VSIG1: variants seen among roughly 807,000 people sequenced by gnomAD.
The protein encoded by VSIG1 is V-set and immunoglobulin domain containing 1, also known as V-set and immunoglobulin domain-containing protein 1.
A neutral mutation model predicts 20.1 loss-of-function variants in VSIG1; 11 were observed. That is an observed-to-expected ratio of 0.55 (90% confidence interval 0.34 to 0.91). The LOEUF is 0.91. Ranked by LOEUF, VSIG1 falls within the 40% of genes least tolerant of loss-of-function variation. The pLI is 0.02. For synonymous variants in VSIG1, 126 were observed against 116.7 expected, an observed-to-expected ratio of 1.08 and a Z score of -0.52; for missense variants, 283 against 298.8, an observed-to-expected ratio of 0.95 and a Z score of 0.39.
intron 1 of VSIG1, among the ~76,000 whole-genome samples, chrX:108,046,725 G>T (rs950379747): frequency 9.0e-6 from 1 of 111,470 alleles, no homozygotes; most frequent in Non-Finnish European, 1.9e-5. Flanking sequence ...ATTTGCAGGT[G>T]TATATATTAC....
chrX:108,069,388 A>G (rs2281156), intron 3 of VSIG1, among the ~76,000 whole-genome samples: 5,804 of 111,636 alleles, frequency 0.052, 132 homozygotes, highest in East Asian at 0.096. Flanking sequence ...GCAAAGAACA[A>G]AGGCCTCCTC....
chrX:108,050,602 G>C (rs977154396), intron 1 of VSIG1, among the ~76,000 whole-genome samples: 1 of 112,480 alleles, frequency 8.9e-6, no homozygotes, highest in Non-Finnish European at 1.9e-5. Context: ...ATATAGAACT[G>C]AGAATTTTAG....
At chrX:108,038,649 C>T in the VSIG1 span, among the ~76,000 whole-genome samples, 1 of 112,163 alleles carries the variant, frequency 8.9e-6, no homozygotes, top group Non-Finnish European at 1.9e-5. Context: ...GAAAATGTGG[C>T]ACATATACAT....
At chrX:108,073,919 A>G (rs2031302227) in intron 5 of VSIG1, 2 of 111,915 alleles carry the variant, frequency 1.8e-5, no homozygotes, top group African/African-American at 6.5e-5. Context: ...ACTGAAGCTC[A>G]GGGAAGTAAA....
At chrX:108,073,538 C>T (rs2031294516) in intron 5 of VSIG1, 169 bp downstream of exon 5, 2 of 560,368 alleles carry the variant, frequency 3.6e-6, no homozygotes, top group South Asian at 3.9e-5. Context: ...ATCTAATGCT[C>T]ACATAATAAT....
At chrX:108,064,187 C>T (rs2031084148) in intron 2 of VSIG1, among the ~76,000 whole-genome samples, 1 of 111,554 alleles carries the variant, frequency 9.0e-6, no homozygotes, top group African/African-American at 3.3e-5. Flanking sequence ...AACAGAAAGC[C>T]CCTCCATGTA....
the VSIG1 span, among the ~76,000 whole-genome samples, chrX:108,024,823 A>G: frequency 9.0e-6 from 1 of 111,673 alleles, no homozygotes; most frequent in East Asian, 2.8e-4. Context: ...ACTTAATGTG[A>G]TTTTAATCTT....
chrX:108,047,002 A>G (rs192803496), intron 1 of VSIG1, among the ~76,000 whole-genome samples: 5 of 110,937 alleles, frequency 4.5e-5, no homozygotes, highest in African/African-American at 1.6e-4. Context: ...GTGCTTACAT[A>G]TGTATTGAAG....
At chrX:108,069,150 G>A (rs1229226705) in intron 3 of VSIG1, among the ~76,000 whole-genome samples, 2 of 111,145 alleles carry the variant, frequency 1.8e-5, no homozygotes, top group South Asian at 3.8e-4. Flanking sequence ...AGACAAGAAG[G>A]TTAATATTCT....
chrX:108,077,026 T>C, intron 6 of VSIG1, 22 bp from the exon 7 acceptor site: 2 of 1,188,073 alleles, frequency 1.7e-6, no homozygotes, highest in Non-Finnish European at 2.3e-6. Context: ...ACTTGTTCTT[T>C]TCTGGGCCTT....
intron 2 of VSIG1, among the ~76,000 whole-genome samples, chrX:108,062,013 A>G (rs1219780655): frequency 3.6e-5 from 4 of 109,958 alleles, no homozygotes; most frequent in Admixed American, 2.9e-4. Flanking sequence ...ACAGCTTTAG[A>G]TAGTCAATCC....
intron 1 of VSIG1, among the ~76,000 whole-genome samples, chrX:108,046,540 G>A (rs1324562650): frequency 9.1e-6 from 1 of 109,675 alleles, no homozygotes; most frequent in African/African-American, 3.4e-5. Context: ...GGTTTGGAAC[G>A]GTTGTTAAGA....
chrX:108,056,865 G>A (rs1385873614), intron 1 of VSIG1, among the ~76,000 whole-genome samples: 2 of 111,961 alleles, frequency 1.8e-5, no homozygotes, highest in Admixed American at 9.5e-5. Context: ...TGCAACTGGC[G>A]TATGATCCAG....
the VSIG1 span, among the ~76,000 whole-genome samples, chrX:108,020,822 C>A: frequency 9.0e-6 from 1 of 111,423 alleles, no homozygotes; most frequent in Non-Finnish European, 1.9e-5. Flanking sequence ...AATAGGATAT[C>A]CTGTTAGTAT....
the VSIG1 span, among the ~76,000 whole-genome samples, chrX:108,036,917 C>G: frequency 8.9e-6 from 1 of 111,896 alleles, no homozygotes; most frequent in East Asian, 2.8e-4. Flanking sequence ...AACAACATCA[C>G]AGAGCTCACT....
chrX:108,031,176 G>C, the VSIG1 span, among the ~76,000 whole-genome samples: 1 of 111,938 alleles, frequency 8.9e-6, no homozygotes. Context: ...TTGGGGTGGG[G>C]AGCATGAAAT....
intron 1 of VSIG1, among the ~76,000 whole-genome samples, chrX:108,047,937 CATATATATATATATAT>C (rs1163371858): frequency 8.9e-5 from 3 of 33,593 alleles, no homozygotes; most frequent in Non-Finnish European, 1.4e-4. Context: ...TATATATACA[CATATATATATATATAT>C]ACACACACAT....
chrX:108,067,898 G>A (rs759291893), intron 3 of VSIG1, among the ~76,000 whole-genome samples: 1 of 112,028 alleles, frequency 8.9e-6, no homozygotes, highest in Admixed American at 9.5e-5. Flanking sequence ...AGGGATGAAA[G>A]GGCTGCCAAT....
Position 108,047,762 on chromosome X carries a change from C to T in VSIG1, c.49+2583C>T, listed in dbSNP as rs1297899807. ...GAACAATCACCACCAAAATACAAGA[C>T]ATTCTCTCTCTCTCTCTCTCTCTCT... On this transcript the variant is annotated intron_variant, in intron 1 of 6. Transcript: ENST00000217957. Among the ~76,000 whole-genome samples, 7 of 82,799 alleles carry T rather than the reference C, an allele frequency of 8.5e-5. No individual in the cohort carries two copies. In the East Asian group the frequency reaches 1.9e-3, roughly 22 times the overall value. 71.9% of individuals were successfully genotyped at this position (82,799 alleles called of 115,157 possible).
Sources: allele counts gnomAD v4.1 joint callset (sites outside exome capture counted in the v4.1 genomes callset), GRCh38; gene constraint gnomAD v4.1.1; transcripts MANE v1.5; gene names NCBI Gene and HGNC (gene_info 2026-07-23, HGNC 2026-07-21).